Variants in CFAP70 observed in about 807,000 individuals in gnomAD.
CFAP70 encodes cilia- and flagella-associated protein 70.
CFAP70 carries 81 observed loss-of-function variants against 137.6 expected under a neutral mutation model. The ratio of observed to expected loss-of-function variants is 0.59; its 90% confidence interval spans 0.49 to 0.71. The LOEUF is 0.71. CFAP70 is among the 30% of genes least tolerant of loss of function. CFAP70 has a pLI of 0.00. For synonymous variants in CFAP70, 382 were observed against 423.6 expected (o/e 0.90, Z 1.20); for missense variants, 976 against 1,226.7 (o/e 0.80, Z 3.05).
At chr10:73,352,652 A>T (rs1654004263) in intron 3 of CFAP70, among the ~76,000 whole-genome samples, 1 of 152,120 alleles carries the variant, frequency 6.6e-6, no homozygotes, top group Non-Finnish European at 1.5e-5. Context: ...TTTTATATAT[A>T]ATGTCCAGGG....
In CFAP70 at chr10:73,305,741, G is replaced by A. The variant is rs117270754; in HGVS notation, c.1256+4417C>T. Among the ~76,000 whole-genome samples the A allele has an allele frequency of 2.2e-3, 341 of 152,212 alleles. 2 individuals carry two copies. The highest frequency in any genetic ancestry group is 3.8e-3 in the Non-Finnish European group (259 of 68,002). ...AGTTTGATTTCCAAAATTCCCACAT[G>A]ATAGTATCCACATGTCCAGTTTTCA... On this transcript the variant is annotated intron_variant, in intron 12 of 26. Transcript: ENST00000310715.
intron 5 of CFAP70, among the ~76,000 whole-genome samples, chr10:73,342,520 G>A (rs2053337366): frequency 6.6e-6 from 1 of 152,084 alleles, no homozygotes; most frequent in Non-Finnish European, 1.5e-5. Flanking sequence ...TCCAGCCTAG[G>A]TGATGGAGTG....
intron 13 of CFAP70, 146 bp from the exon 15 acceptor site, chr10:73,299,247 G>T (rs1357583902): frequency 2.9e-6 from 2 of 681,950 alleles, no homozygotes; most frequent in African/African-American, 1.8e-5. Flanking sequence ...GGTCTCTCTC[G>T]CCCAGGCTGG....
At chr10:73,298,843 G>C (rs7079020) in intron 14 of CFAP70, 64 bp downstream of exon 15, 120,239 of 1,409,724 alleles carry the variant, frequency 0.085, 7,740 homozygotes, top group East Asian at 0.29. Flanking sequence ...AAAATGTGAT[G>C]TGGGTATGTG....
chr10:73,329,307 A>C (rs548010969), intron 8 of CFAP70, among the ~76,000 whole-genome samples: 1 of 152,044 alleles, frequency 6.6e-6, no homozygotes, highest in African/African-American at 2.4e-5. Context: ...ACATGGACAC[A>C]GGAAGGGGAA....
intron 12 of CFAP70, among the ~76,000 whole-genome samples, chr10:73,305,547 T>G (rs1452795417): frequency 6.6e-6 from 1 of 152,182 alleles, no homozygotes; most frequent in Non-Finnish European, 1.5e-5. Flanking sequence ...GGTTAAATGT[T>G]AAAAGAATGC....
At chr10:73,279,891 A>C (rs1030385057) in intron 19 of CFAP70, among the ~76,000 whole-genome samples, 10 of 152,110 alleles carry the variant, frequency 6.6e-5, no homozygotes, top group African/African-American at 2.4e-4. Flanking sequence ...AATAACCTTT[A>C]AAAATTGCCG....
intron 25 of CFAP70, among the ~76,000 whole-genome samples, chr10:73,263,206 C>G (rs1385501180): frequency 1.3e-5 from 2 of 151,966 alleles, no homozygotes; most frequent in Non-Finnish European, 2.9e-5. Context: ...CTCAAGCAAT[C>G]CTCCCACCTC....
At chr10:73,326,879 T>A (rs1345990212) in intron 8 of CFAP70, among the ~76,000 whole-genome samples, 2 of 151,538 alleles carry the variant, frequency 1.3e-5, no homozygotes, top group African/African-American at 2.4e-5. Flanking sequence ...CAGGACCAGA[T>A]GGATTCACAG....
At chr10:73,278,035 A>C in intron 20 of CFAP70, 144 bp downstream of exon 21, 2 of 692,360 alleles carry the variant, frequency 2.9e-6, no homozygotes, top group Non-Finnish European at 4.8e-6. Context: ...TTGCTTACTG[A>C]GAGAGTTACA....
chr10:73,325,117 A>G (rs1350377490), intron 8 of CFAP70, among the ~76,000 whole-genome samples: 1 of 152,248 alleles, frequency 6.6e-6, no homozygotes, highest in East Asian at 1.9e-4. Context: ...AGGGAAGCCC[A>G]TCAGACTAAC....
chr10:73,262,353 C>T (rs2045338297), intron 25 of CFAP70, among the ~76,000 whole-genome samples: 1 of 152,000 alleles, frequency 6.6e-6, no homozygotes, highest in African/African-American at 2.4e-5. Flanking sequence ...ACTTCATAGC[C>T]CTCTCCGTTA....
At chr10:73,293,131 C>T (rs1240187918) in intron 16 of CFAP70, 132 bp downstream of exon 17, 1 of 900,082 alleles carries the variant, frequency 1.1e-6, no homozygotes, top group Non-Finnish European at 1.5e-6. Flanking sequence ...TGGTGGGAAC[C>T]TATTTTTGGA....
At chr10:73,262,571 A>G (rs550761343) in intron 25 of CFAP70, among the ~76,000 whole-genome samples, 1 of 152,338 alleles carries the variant, frequency 6.6e-6, no homozygotes, top group South Asian at 2.1e-4. Context: ...TAAGATCTGT[A>G]TAATGAACTT....
At chr10:73,360,451 A>G (rs2054964513), upstream of CFAP70, among the ~76,000 whole-genome samples, 1 of 152,184 alleles carries the variant, frequency 6.6e-6, no homozygotes, top group Non-Finnish European at 1.5e-5. Context: ...AGTGCAGGGG[A>G]CATGGGACTT....
At chr10:73,257,960 T>A (rs2133528668) in intron 25 of CFAP70, among the ~76,000 whole-genome samples, 1 of 149,302 alleles carries the variant, frequency 6.7e-6, no homozygotes, top group East Asian at 2.0e-4. Context: ...ACTCTCACAG[T>A]CTCAGCACTG....
chr10:73,349,192 T>A (rs2053979451), intron 3 of CFAP70, among the ~76,000 whole-genome samples: 1 of 152,152 alleles, frequency 6.6e-6, no homozygotes, highest in East Asian at 1.9e-4. Flanking sequence ...CTGGTCATAA[T>A]GCCCATCAAT....
intron 6 of CFAP70, among the ~76,000 whole-genome samples, chr10:73,340,107 T>G (rs1301126887): frequency 6.6e-6 from 1 of 152,142 alleles, no homozygotes; most frequent in Non-Finnish European, 1.5e-5. Context: ...AGCTCCTCTC[T>G]GCAGGCAGGT....
At chr10:73,341,298 G>C (rs759324448) in intron 6 of CFAP70, 101 bp downstream of exon 7, 17 of 1,038,180 alleles carry the variant, frequency 1.6e-5, no homozygotes, top group Non-Finnish European at 2.4e-5. Context: ...TAAGTATTTC[G>C]ACAGGTGACA....
Sources: allele counts gnomAD v4.1 joint callset (sites outside exome capture counted in the v4.1 genomes callset), GRCh38; gene constraint gnomAD v4.1.1; transcripts MANE v1.5; gene names NCBI Gene and HGNC (gene_info 2026-07-23, HGNC 2026-07-21).